The following FAM118B variants were observed in gnomAD, a reference collection of about 807,000 sequenced individuals.
FAM118B encodes protein FAM118B.
FAM118B carries 24 observed loss-of-function variants against 38.5 expected under a neutral mutation model. The observed-to-expected ratio is 0.62, with a 90% CI of 0.45 to 0.88. The LOEUF (loss-of-function observed/expected upper bound fraction) is 0.88, where lower values mean the gene tolerates loss of function less well. Ranked by LOEUF, FAM118B falls within the 40% of genes least tolerant of loss-of-function variation. The probability of loss-of-function intolerance (pLI) is 0.00; values close to 1 mark genes in which losing one functional copy is unlikely to be tolerated. For synonymous variants in FAM118B, 138 were observed against 156.3 expected (o/e 0.88, Z 0.87); for missense variants, 334 against 420.0 (o/e 0.80, Z 1.79).
At position 126,253,188 on chromosome 11, in the gene FAM118B, C is replaced by T. The variant is rs529097186; in HGVS notation, c.568-1117C>T. Among the ~76,000 whole-genome samples the T allele has an allele frequency of 1.8e-4, 28 of 152,322 alleles. No individual in the cohort carries two copies. Among genetic ancestry groups the T allele is most frequent in the Middle Eastern group, 3.4e-3 (1 of 294 alleles). ...GGATATCTATCACATTTGATGTTTT[C>T]CTTCTCATTTCATCCTTGGGCCTCA... On this transcript the variant is annotated intron_variant, in intron 5 of 8. Transcript: ENST00000533050. The surrounding 1 kb of genome is among the most constrained non-coding windows in gnomAD (Gnocchi z 5.1).
Position 126,255,397 on chromosome 11 carries a change from A to T in FAM118B, c.696+964A>T, listed in dbSNP as rs1014080284. ...AAGGGACTTTTTTTTCTTTTTACCC[A>T]TTCTTTCCCAACATCTGCCATAACT... On this transcript the variant is annotated intron_variant, in intron 6 of 8. Transcript: ENST00000533050. This position sits in a 1 kb window ranked among gnomAD's most constrained non-coding sequence, Gnocchi z 4.6. 2.6e-5 allele frequency among the ~76,000 whole-genome samples: 4 copies of T among 152,020 alleles called. No homozygotes were observed. The highest frequency in any genetic ancestry group is 2.6e-4 in the Admixed American group (4 of 15,256).
At chr11:126,228,715 A>G (rs1950173533) in intron 1 of FAM118B, among the ~76,000 whole-genome samples, 1 of 151,622 alleles carries the variant, frequency 6.6e-6, no homozygotes, top group Non-Finnish European at 1.5e-5. Context: ...GCCCACCACC[A>G]CACCCAGCTA....
At position 126,261,296 on chromosome 11, in the gene FAM118B, T is replaced by C. The variant is rs536849960; in HGVS notation, c.983-129T>C. The C allele has an allele frequency of 1.8e-4, 125 of 686,166 alleles. No homozygotes were observed. The African/African-American group carries it at 1.9e-3, about 10-fold the overall frequency. The allele number at this position is 686,166 out of a possible 1,614,324, so 42.5% of individuals were successfully genotyped here. A position where few individuals can be genotyped will look rare whatever the true frequency, so the allele number is the denominator to read the frequency against. On this transcript the variant is annotated intron_variant, in intron 7 of 8. Coordinates refer to ENST00000533050, the MANE Select transcript of FAM118B (RefSeq NM_024556.4). ...CTCTGCCTCCTTATCTTCTCAATGATTGTTTCATTTCTAAATGCCCATTCC... is the reference window on the plus strand; with the variant it reads ...CTCTGCCTCCTTATCTTCTCAATGACTGTTTCATTTCTAAATGCCCATTCC...
chr11:126,219,158 A>G (rs598169), intron 1 of FAM118B, among the ~76,000 whole-genome samples: 26,678 of 152,098 alleles, frequency 0.18, 2,740 homozygotes, highest in Non-Finnish European at 0.25. Context: ...TGAAAAAAGA[A>G]AAACTCCTCT....
At chr11:126,216,376 CA>C (rs560306254) in intron 1 of FAM118B, among the ~76,000 whole-genome samples, 1 of 149,308 alleles carries the variant, frequency 6.7e-6, no homozygotes, top group Non-Finnish European at 1.5e-5. Context: ...ACTCTGTCAC[CA>C]AAAAAAAACC....
At chr11:126,224,475 C>CAA (rs58005174) in intron 1 of FAM118B, among the ~76,000 whole-genome samples, 32 of 93,212 alleles carry the variant, frequency 3.4e-4, no homozygotes, top group South Asian at 1.8e-3. Context: ...GACCCTGTCT[C>CAA]AAAAAAAAAA....
intron 2 of FAM118B, among the ~76,000 whole-genome samples, chr11:126,232,112 G>T (rs1950213801): frequency 6.6e-6 from 1 of 152,110 alleles, no homozygotes; most frequent in Non-Finnish European, 1.5e-5. Context: ...CATCTAAAAT[G>T]CTTGTGAGCA....
intron 4 of FAM118B, chr11:126,241,302 A>G: frequency 2.8e-6 from 1 of 351,738 alleles, no homozygotes; most frequent in Non-Finnish European, 5.1e-6. Flanking sequence ...ACAAATTACC[A>G]CTGTGTTTTG....
rs1950714335 is a variant in FAM118B at position 126,262,132 on chromosome 11, GAGC to G, written c.1056_*2del. ...TTTCTCCCTACAGGCTGTAGTACATGAGCGAGCTAGAGAAATCACCACCGTTTA... is the reference window on the plus strand; with the variant it reads ...TTTCTCCCTACAGGCTGTAGTACATGGAGCTAGAGAAATCACCACCGTTTA... On this transcript the variant is annotated stop_lost and 3_prime_UTR_variant, in exon 9 of 9. Transcript: ENST00000533050. 18 of 1,613,914 alleles carry G rather than the reference GAGC, an allele frequency of 1.1e-5. No homozygotes were observed. The highest frequency in any genetic ancestry group is 1.5e-5 in the Non-Finnish European group (18 of 1,179,994).
intron 1 of FAM118B, among the ~76,000 whole-genome samples, chr11:126,228,266 T>A (rs1950169621): frequency 6.6e-6 from 1 of 151,960 alleles, no homozygotes; most frequent in African/African-American, 2.4e-5. Flanking sequence ...TGGCATAATC[T>A]CAGATCACTG....
chr11:126,218,701 C>A (rs924438984), intron 1 of FAM118B, among the ~76,000 whole-genome samples: 1 of 152,082 alleles, frequency 6.6e-6, no homozygotes, highest in East Asian at 1.9e-4. Context: ...AAGTTCCCAG[C>A]GTGGGTCTTG....
upstream of FAM118B, chr11:126,211,740 C>G: frequency 7.3e-7 from 1 of 1,361,404 alleles, no homozygotes; most frequent in Non-Finnish European, 1.0e-6. Context: ...CGGGGTGGGG[C>G]CTGGGCGAGT....
intron 1 of FAM118B, among the ~76,000 whole-genome samples, chr11:126,228,639 C>T (rs1950172817): frequency 6.6e-6 from 1 of 152,150 alleles, no homozygotes; most frequent in Non-Finnish European, 1.5e-5. Flanking sequence ...TGGCTCACTG[C>T]AACCTCTGCC....
chr11:126,220,920 C>T (rs1950055374), intron 1 of FAM118B, among the ~76,000 whole-genome samples: 1 of 152,176 alleles, frequency 6.6e-6, no homozygotes, highest in African/African-American at 2.4e-5. Context: ...GGCGCAGTGG[C>T]TCATGCCTGT....
rs1950520825 is a variant in FAM118B at position 126,252,664 on chromosome 11, G to A, written c.568-1641G>A. Among the ~76,000 whole-genome samples, 1 of 151,992 alleles carries A rather than the reference G, an allele frequency of 6.6e-6. No homozygotes were observed. Among genetic ancestry groups the A allele is most frequent in the East Asian group, 1.9e-4 (1 of 5,150 alleles). ...AGGCTGAAGCAGGACGATCGATTGA[G>A]CTGAGGCAGTCGAGGCTACAGTGAG... On this transcript the variant is annotated intron_variant, in intron 5 of 8. Coordinates refer to ENST00000533050, the MANE Select transcript of FAM118B (RefSeq NM_024556.4). The surrounding 1 kb of genome is among the most constrained non-coding windows in gnomAD (Gnocchi z 4.7).
chr11:126,212,828 A>G (rs1949904967), intron 1 of FAM118B, among the ~76,000 whole-genome samples: 1 of 152,210 alleles, frequency 6.6e-6, no homozygotes. Flanking sequence ...AAGAGTTTGA[A>G]CTAGAGGTGA....
intron 1 of FAM118B, 147 bp downstream of exon 1, chr11:126,211,977 T>C: frequency 3.6e-6 from 1 of 275,890 alleles, no homozygotes; most frequent in Non-Finnish European, 7.0e-6. Flanking sequence ...ACTCAAAAAC[T>C]CCTCCCCGCC....
chr11:126,217,841 G>A (rs552898730), intron 1 of FAM118B, among the ~76,000 whole-genome samples: 1 of 152,328 alleles, frequency 6.6e-6, no homozygotes, highest in African/African-American at 2.4e-5. Flanking sequence ...TTCTAGATTG[G>A]AAATAAGGTT....
At position 126,244,683 on chromosome 11, in the gene FAM118B, A is replaced by C. The variant is rs1456786775; in HGVS notation, c.339+3639A>C. ...GCTGAGCATGATGGCGGGTGCCTAT[A>C]ATCCCAGCTACTCGGGAGGTGGAGG... On this transcript the variant is annotated intron_variant, in intron 4 of 8. Transcript: ENST00000533050. This position sits in a 1 kb window ranked among gnomAD's most constrained non-coding sequence, Gnocchi z 4.5. Among the ~76,000 whole-genome samples, 1 of 152,150 alleles carries C rather than the reference A, an allele frequency of 6.6e-6. No individual in the cohort carries two copies. The highest frequency in any genetic ancestry group is 2.4e-5 in the African/African-American group (1 of 41,422).
Sources: gnomAD v4.1 joint callset for allele counts (sites outside exome capture counted in the v4.1 genomes callset) on GRCh38, gnomAD v4.1.1 for gene constraint, Gnocchi (gnomAD v3.1) non-coding constraint, MANE v1.5 for transcripts, NCBI Gene and HGNC (gene_info 2026-07-23, HGNC 2026-07-21) for gene names.